SASH1: variants seen among roughly 807,000 people sequenced by gnomAD.
SASH1 encodes SAM and SH3 domain containing 1.
SASH1 carries 44 observed loss-of-function variants against 125.2 expected under a neutral mutation model. That is an observed-to-expected ratio of 0.35 (90% CI 0.28 to 0.45). The LOEUF (loss-of-function observed/expected upper bound fraction) is 0.45, where lower values mean the gene tolerates loss of function less well. Ranked by LOEUF, SASH1 falls within the 20% of genes least tolerant of loss-of-function variation. The probability of loss-of-function intolerance (pLI) is 1.00; values close to 1 mark genes in which losing one functional copy is unlikely to be tolerated. For synonymous variants in SASH1, 639 were observed against 649.1 expected (o/e 0.98, Z 0.24); for missense variants, 1,426 against 1,614.5 (o/e 0.88, Z 2.00).
chr6:148,295,724 G>A (rs1001622884), intron 1 of SASH1, among the ~76,000 whole-genome samples: 1 of 152,194 alleles, frequency 6.6e-6, no homozygotes, highest in Non-Finnish European at 1.5e-5. Flanking sequence ...GTCTGAGGAC[G>A]TGCAGTTGGG....
Position 148,362,015 on chromosome 6 carries a change from G to A in SASH1, c.156+18792G>A, listed in dbSNP as rs558685051. Among the ~76,000 whole-genome samples, 7 of 148,080 alleles carry A rather than the reference G, an allele frequency of 4.7e-5. No individual in the cohort carries two copies. The South Asian group carries it at 8.6e-4, about 18-fold the overall frequency. On this transcript the variant is annotated intron_variant, in intron 1 of 19. Transcript: ENST00000367467. ...TGCAAGCTCCGCCTCCCGGGTTCAT[G>A]CCATTCTCCTGCCTCAGCCTCCCGA... is the stretch of plus-strand genomic sequence containing the variant.
chr6:148,256,123 C>T, the SASH1 span, among the ~76,000 whole-genome samples: 3 of 152,060 alleles, frequency 2.0e-5, no homozygotes, highest in East Asian at 5.8e-4. Flanking sequence ...CTGAGTTGGT[C>T]CCATAGAAAA....
intron 1 of SASH1, among the ~76,000 whole-genome samples, chr6:148,345,174 G>A (rs1320244953): frequency 6.6e-6 from 1 of 152,174 alleles, no homozygotes; most frequent in Non-Finnish European, 1.5e-5. Flanking sequence ...TGGGCTGGGG[G>A]CGGGGAGGAT....
At chr6:148,290,998 TG>T (rs1779618938) in intron 1 of SASH1, among the ~76,000 whole-genome samples, 1 of 114,302 alleles carries the variant, frequency 8.7e-6, no homozygotes, top group South Asian at 2.9e-4. Flanking sequence ...CACTTTATCT[TG>T]TTTTTTTTTT....
chr6:148,482,520 T>C (rs2115179874), intron 7 of SASH1, among the ~76,000 whole-genome samples: 1 of 151,814 alleles, frequency 6.6e-6, no homozygotes, highest in East Asian at 1.9e-4. Context: ...TTTGGCATGG[T>C]GAACTTTTTT....
rs57758957 is a variant in SASH1, at chr6:148,299,671, G to GAAAAAAAAAAAAA, written n.74+27296_74+27308dup. Among the ~76,000 whole-genome samples, 231 of 114,902 alleles carry GAAAAAAAAAAAAA rather than the reference G, an allele frequency of 2.0e-3. 1 individual carries two copies. The highest frequency in any genetic ancestry group is 3.9e-3 in the South Asian group (14 of 3,624). The allele number at this position is 114,902 out of a possible 152,430, so 75.4% of individuals were successfully genotyped here. On this transcript the variant is annotated intron_variant and non_coding_transcript_variant, in intron 1 of 3. Transcript: ENST00000367469. ...ATGGAAGCAAGACTCCACCTCAAAA[G>GAAAAAAAAAAAAA]AAAAAAAAAAAAAAGGCCTTTCAGG...
At chr6:148,377,302 A>G (rs1782954280) in intron 1 of SASH1, among the ~76,000 whole-genome samples, 1 of 151,920 alleles carries the variant, frequency 6.6e-6, no homozygotes, top group Admixed American at 6.6e-5. Context: ...GATGGTAGTA[A>G]AATGCTGAGG....
intron 8 of SASH1, among the ~76,000 whole-genome samples, chr6:148,496,002 A>ATTT (rs552373682): frequency 7.0e-6 from 1 of 142,468 alleles, no homozygotes; most frequent in Non-Finnish European, 1.5e-5. Flanking sequence ...CGCCTGGCTA[A>ATTT]TTTTTTTTTT....
chr6:148,378,433 C>T lies in SASH1; in HGVS notation c.157-11701C>T, dbSNP rs1055253786. ...GCAGTGGCACGATGTTGGCTCACTG[C>T]AGCCTCTGCCTCCCTGGCTTAATTG... On this transcript the variant is annotated intron_variant, in intron 1 of 19. Transcript: ENST00000367467. Among the ~76,000 whole-genome samples, 17 of 152,008 alleles carry T rather than the reference C, an allele frequency of 1.1e-4. 1 individual carries two copies. Among genetic ancestry groups the T allele is most frequent in the Admixed American group, 7.9e-4 (12 of 15,256 alleles).
upstream of SASH1, among the ~76,000 whole-genome samples, chr6:148,339,342 C>G (rs1283433344): frequency 2.6e-5 from 4 of 152,052 alleles, no homozygotes; most frequent in East Asian, 7.8e-4. Flanking sequence ...CCATGCCTGG[C>G]CTCAAATTTC....
the SASH1 span, among the ~76,000 whole-genome samples, chr6:148,244,936 G>GTGTGTGTGTGTGTGTGTGTCTA: frequency 8.7e-6 from 1 of 114,936 alleles, no homozygotes. Context: ...GTGTGTATGT[G>GTGTGTGTGTGTGTGTGTGTCTA]TGTGTGTGTG....
chr6:148,474,261 T>C, intron 7 of SASH1, 39 bp downstream of exon 7: 1 of 1,310,934 alleles, frequency 7.6e-7, no homozygotes, highest in Non-Finnish European at 1.1e-6. Context: ...TGTGAGGACT[T>C]GACTTTCTGA....
chr6:148,272,902 G>A (rs187045315), intron 1 of SASH1, among the ~76,000 whole-genome samples: 3 of 151,988 alleles, frequency 2.0e-5, no homozygotes, highest in Non-Finnish European at 4.4e-5. Flanking sequence ...TTCCGTCTTC[G>A]TCTTCTCTGT....
chr6:148,337,423 A>G (rs1303891810), intron 1 of SASH1, among the ~76,000 whole-genome samples: 1 of 151,944 alleles, frequency 6.6e-6, no homozygotes, highest in Admixed American at 6.6e-5. Context: ...ATGGGGTTTC[A>G]CCACGTTAGC....
chr6:148,293,171 AACC>A (rs773305810), intron 1 of SASH1, among the ~76,000 whole-genome samples: 3 of 152,172 alleles, frequency 2.0e-5, no homozygotes, highest in Non-Finnish European at 4.4e-5. Flanking sequence ...GCCACAGAGC[AACC>A]TGCACACCCT....
At chr6:148,200,425 C>T in the SASH1 span, among the ~76,000 whole-genome samples, 1 of 152,258 alleles carries the variant, frequency 6.6e-6, no homozygotes, top group Admixed American at 6.5e-5. Flanking sequence ...ACAGAGCGAG[C>T]GGGAGGGGGC....
the SASH1 span, among the ~76,000 whole-genome samples, chr6:148,208,841 G>T: frequency 3.2e-4 from 49 of 152,124 alleles, no homozygotes; most frequent in African/African-American, 1.1e-3. Flanking sequence ...ACTGAATACG[G>T]TTACTAATAA....
intron 1 of SASH1, among the ~76,000 whole-genome samples, chr6:148,376,967 G>A (rs926540130): frequency 6.6e-6 from 1 of 150,944 alleles, no homozygotes; most frequent in Non-Finnish European, 1.5e-5. Context: ...TCAGGAGATC[G>A]AGACCATCCC....
Position 148,519,762 on chromosome 6 carries a change from C to T in SASH1, c.1078C>T (p.Arg360Trp), listed in dbSNP as rs1421812471. Residue 360 changes from arginine to tryptophan, a missense_variant, in exon 10 of 20, where the codon CGG becomes TGG. Coordinates refer to ENST00000367467, the MANE Select transcript of SASH1 (RefSeq NM_015278.5). The surrounding 1 kb of genome is among the most constrained non-coding windows in gnomAD (Gnocchi z 4.8). ...CAAAACCTTCAGCAAAGGAGAGAGC[C>T]GGGGCCTGATTAAGCCCCCCAAGAA... is the stretch of plus-strand genomic sequence containing the variant. ...LVKTFSKGESRGLIKPPKKMG... is the reference protein window; with the variant it reads ...LVKTFSKGESWGLIKPPKKMG... 2.5e-6 allele frequency: 4 copies of T among 1,614,044 alleles called. No homozygotes were observed. Among genetic ancestry groups the T allele is most frequent in the South Asian group, 2.2e-5 (2 of 91,076 alleles).
Sources: allele counts gnomAD v4.1 joint callset (sites outside exome capture counted in the v4.1 genomes callset), GRCh38; gene constraint gnomAD v4.1.1; non-coding constraint Gnocchi (gnomAD v3.1); transcripts MANE v1.5; gene names NCBI Gene and HGNC (gene_info 2026-07-23, HGNC 2026-07-21).